The following PCDHGA10 variants were observed in gnomAD, a reference collection of about 807,000 sequenced individuals.
The protein encoded by PCDHGA10 is protocadherin gamma-A10.
PCDHGA10 carries 42 observed loss-of-function variants against 59.5 expected under a neutral mutation model. That is an observed-to-expected ratio of 0.71 (90% CI 0.55 to 0.91). PCDHGA10 has a LOEUF of 0.91. Among genes scored for constraint, PCDHGA10 ranks in the 40% least tolerant of loss-of-function variants. PCDHGA10 has a pLI of 0.00. For missense variants in PCDHGA10, 1,111 were observed against 1,198.2 expected, an observed-to-expected ratio of 0.93 and a Z score of 1.07; for synonymous variants, 511 against 517.2, an observed-to-expected ratio of 0.99 and a Z score of 0.16.
intron 1 of PCDHGA10, chr5:141,417,543 C>T: frequency 6.5e-6 from 2 of 307,994 alleles, no homozygotes; most frequent in Non-Finnish European, 1.2e-5. Flanking sequence ...AAAAAAAATT[C>T]CTTGAAAGAG....
intron 1 of PCDHGA10, chr5:141,419,658 A>C: frequency 1.9e-6 from 3 of 1,612,782 alleles, no homozygotes; most frequent in Non-Finnish European, 2.5e-6. Context: ...GACTCGGGGC[A>C]CAATGCCTGG....
intron 1 of PCDHGA10, chr5:141,419,098 G>A (rs993605209): frequency 8.7e-6 from 14 of 1,613,812 alleles, no homozygotes; most frequent in African/African-American, 2.7e-5. Context: ...TGGATCGGGA[G>A]CAGACCCCAG....
chr5:141,414,559 T>C lies in PCDHGA10; in HGVS notation c.1384T>C (p.Phe462Leu), dbSNP rs1330713312. Reference protein sequence around the residue: ...NPPTFSQVSYFTYIPENNARG... With the variant: ...NPPTFSQVSYLTYIPENNARG... ...ACCTACCTTCTCTCAAGTCTCCTAC[T>C]TTACCTATATCCCAGAGAACAACGC... The change falls in exon 1 of 4, where the codon TTT becomes CTT. Residue 462 changes from phenylalanine to leucine, a missense_variant. Transcript: ENST00000398610. 2 of 1,613,782 alleles carry C rather than the reference T, an allele frequency of 1.2e-6. No individual in the cohort carries two copies. The highest frequency in any genetic ancestry group is 1.7e-6 in the Non-Finnish European group (2 of 1,179,876).
At chr5:141,463,402 T>C (rs1214124103) in intron 1 of PCDHGA10, among the ~76,000 whole-genome samples, 1 of 149,978 alleles carries the variant, frequency 6.7e-6, no homozygotes, top group African/African-American at 2.5e-5. Context: ...GCAAAAAAAA[T>C]GGAGATCCTA....
chr5:141,460,909 G>GGT (rs548378036), intron 1 of PCDHGA10, among the ~76,000 whole-genome samples: 1,853 of 123,260 alleles, frequency 0.015, 18 homozygotes, highest in Non-Finnish European at 0.019. Context: ...AATATTCCAT[G>GGT]GTGTATATAT....
At position 141,415,368 on chromosome 5, in the gene PCDHGA10, T is replaced by C. The variant is rs762653261; in HGVS notation, c.2193T>C (p.Ala731=). Residue 731 remains alanine, a synonymous_variant, in exon 1 of 4, where the codon GCT becomes GCC. Transcript: ENST00000398610. ...RRWHKSRLLQ[A]SGGGLTGVSG... ...GGCACAAGTCACGCCTGCTGCAGGC[T>C]TCAGGAGGCGGCTTGACAGGTGTGT... 1 of 1,614,244 alleles carries C rather than the reference T, an allele frequency of 6.2e-7. No individual in the cohort carries two copies. Among genetic ancestry groups the C allele is most frequent in the Non-Finnish European group, 8.5e-7 (1 of 1,180,042 alleles).
At chr5:141,478,891 A>G (rs1045274228) in intron 1 of PCDHGA10, 10 of 1,122,064 alleles carry the variant, frequency 8.9e-6, no homozygotes, top group Admixed American at 3.1e-5. Context: ...TATCATTTAC[A>G]TTAGGAATAA....
intron 1 of PCDHGA10, chr5:141,418,573 C>T (rs749104686): frequency 6.2e-7 from 1 of 1,613,944 alleles, no homozygotes; most frequent in Non-Finnish European, 8.5e-7. Flanking sequence ...CCAATGACAA[C>T]CCCCCAGTGT....
Position 141,413,001 on chromosome 5 carries a change from G to C in PCDHGA10, c.-175G>C. 1.7e-6 allele frequency: 1 copy of C among 592,908 alleles called. No individual in the cohort carries two copies. The highest frequency in any genetic ancestry group is 2.8e-6 in the Non-Finnish European group (1 of 355,374). 36.7% of individuals were successfully genotyped at this position (592,908 alleles called of 1,614,324 possible). A position where few individuals can be genotyped will look rare whatever the true frequency, so the allele number is the denominator to read the frequency against. ...AGCCAGAGCTCAATCCGGATTCTCA[G>C]GGCTTCAACTACACAAGCCCCACAA... On this transcript the variant is annotated 5_prime_UTR_variant, in exon 1 of 4. Transcript: ENST00000398610.
At position 141,414,043 on chromosome 5, in the gene PCDHGA10, G is replaced by A; in HGVS notation, c.868G>A (p.Asp290Asn). The A allele has an allele frequency of 6.2e-7, 1 of 1,611,348 alleles. No homozygotes were observed. Among genetic ancestry groups the A allele is most frequent in the Non-Finnish European group, 8.5e-7 (1 of 1,178,860 alleles). ...EVTYSFRKLPDTQLLKFQLNK... is the reference protein window; with the variant it reads ...EVTYSFRKLPNTQLLKFQLNK... ...GACATATTCATTCCGAAAATTACCT[G>A]ACACGCAATTGTTGAAGTTCCAACT... Residue 290 changes from aspartate to asparagine, a missense_variant, in exon 1 of 4, where the codon GAC (aspartate) becomes AAC (asparagine). Coordinates refer to ENST00000398610, the MANE Select transcript of PCDHGA10 (RefSeq NM_018913.3).
In PCDHGA10 at chr5:141,414,181, A is replaced by G; in HGVS notation, c.1006A>G (p.Lys336Glu). The G allele has an allele frequency of 1.2e-6, 2 of 1,609,294 alleles. No individual in the cohort carries two copies. The highest frequency in any genetic ancestry group is 1.1e-5 in the South Asian group (1 of 90,434). Residue 336 changes from lysine to glutamate, a missense_variant, in exon 1 of 4, where the codon AAA becomes GAA. By Grantham distance (56) the Lys-to-Glu change is moderately conservative. Coordinates refer to ENST00000398610, the MANE Select transcript of PCDHGA10 (RefSeq NM_018913.3). ...EDGGAYLATA[K>E]VLITVEDVND... ...TGGAGGAGCATATCTTGCAACTGCA[A>G]AAGTGTTGATTACAGTAGAAGATGT...
chr5:141,450,851 G>T (rs1184272833), intron 1 of PCDHGA10, among the ~76,000 whole-genome samples: 1 of 142,602 alleles, frequency 7.0e-6, no homozygotes, highest in Non-Finnish European at 1.5e-5. Context: ...TTGAGATGGG[G>T]TCTTGCTCTG....
rs1266310917 is a variant in PCDHGA10 at position 141,486,868 on chromosome 5, G to A, written c.2437-7939G>A. 2 of 1,614,104 alleles carry A rather than the reference G, an allele frequency of 1.2e-6. No homozygotes were observed. Among genetic ancestry groups the A allele is most frequent in the Non-Finnish European group, 1.7e-6 (2 of 1,180,056 alleles). ...ACCTCAATGACAATGCTCCAGCTGT[G>A]CTCCGTCCTCGGGCCCGGCCTGGTT... On this transcript the variant is annotated intron_variant, in intron 1 of 3. Transcript: ENST00000398610. The surrounding 1 kb of genome is among the most constrained non-coding windows in gnomAD (Gnocchi z 5.0).
In PCDHGA10 at chr5:141,477,857, C is replaced by A. The variant is rs548674958; in HGVS notation, c.2437-16950C>A. On this transcript the variant is annotated intron_variant, in intron 1 of 3. Transcript: ENST00000398610. The surrounding 1 kb of genome is among the most constrained non-coding windows in gnomAD (Gnocchi z 4.9). ...AGGTGGGAGCTCGGTGGAGATGCTG[C>A]CTCGAGGTACCTCAGCTGGCCACCT... 2.9e-5 allele frequency: 47 copies of A among 1,613,454 alleles called. No individual in the cohort carries two copies. In the South Asian group the frequency reaches 4.9e-4, roughly 17 times the overall value.
chr5:141,422,397 C>T (rs753017439), intron 1 of PCDHGA10: 4 of 1,597,606 alleles, frequency 2.5e-6, no homozygotes, highest in East Asian at 4.5e-5. Context: ...TTCCTAACCA[C>T]CTGCCTTTTA....
At chr5:141,446,767 G>A (rs891355909) in intron 1 of PCDHGA10, among the ~76,000 whole-genome samples, 12 of 152,118 alleles carry the variant, frequency 7.9e-5, no homozygotes, top group Non-Finnish European at 1.2e-4. Flanking sequence ...GCGCCCAGCC[G>A]GTTACCATTC....
In PCDHGA10 at chr5:141,485,472, C is replaced by T. The variant is rs1185020546; in HGVS notation, c.2437-9335C>T. On this transcript the variant is annotated intron_variant, in intron 1 of 3. Transcript: ENST00000398610. This position sits in a 1 kb window ranked among gnomAD's most constrained non-coding sequence, Gnocchi z 5.7. The stretch of plus-strand genomic sequence containing the variant: ...CGAGAGGCACTGTGTGGGCTCAGTG[C>T]CAGCTGCATCGTGCCCCTGGAGTTT... The T allele has an allele frequency of 3.1e-6, 5 of 1,614,138 alleles. No individual in the cohort carries two copies. In the South Asian group the frequency reaches 5.5e-5, roughly 18 times the overall value.
At chr5:141,484,626 C>T (rs1306600907) in intron 1 of PCDHGA10, among the ~76,000 whole-genome samples, 1 of 151,972 alleles carries the variant, frequency 6.6e-6, no homozygotes, top group African/African-American at 2.4e-5. Context: ...CTGGCTTGAA[C>T]AAAGTGACCA....
At position 141,431,416 on chromosome 5, in the gene PCDHGA10, C is replaced by T. The variant is rs778722151; in HGVS notation, c.2436+15805C>T. Reference sequence around the variant, plus strand: ...TCCTTACGGCCTCCGACGGGGGCGACCCGGTGCGCACAGGCACCGCGCGCA... The same window carrying T: ...TCCTTACGGCCTCCGACGGGGGCGATCCGGTGCGCACAGGCACCGCGCGCA... On this transcript the variant is annotated intron_variant, in intron 1 of 3. Transcript: ENST00000398610. This position sits in a 1 kb window ranked among gnomAD's most constrained non-coding sequence, Gnocchi z 4.8. 2.5e-6 allele frequency: 4 copies of T among 1,613,714 alleles called. No homozygotes were observed. Among genetic ancestry groups the T allele is most frequent in the Admixed American group, 1.7e-5 (1 of 60,028 alleles).
Sources: allele counts gnomAD v4.1 joint callset (sites outside exome capture counted in the v4.1 genomes callset), GRCh38; gene constraint gnomAD v4.1.1; non-coding constraint Gnocchi (gnomAD v3.1); transcripts MANE v1.5; gene names NCBI Gene and HGNC (gene_info 2026-07-23, HGNC 2026-07-21).